The following RAP1GAP variants were observed in gnomAD, a reference collection of about 807,000 sequenced individuals.
RAP1GAP encodes the protein RAP1 GTPase activating protein.
In RAP1GAP, 35 loss-of-function variants were observed where a neutral mutation model predicts 87.2. The observed-to-expected ratio is 0.40, with a 90% confidence interval of 0.31 to 0.53. The LOEUF is 0.53. Ranked by LOEUF, RAP1GAP falls within the 20% of genes least tolerant of loss-of-function variation. RAP1GAP has a pLI of 0.48. For missense variants in RAP1GAP, 734 were observed against 898.9 expected (o/e 0.82, Z 2.35); for synonymous variants, 375 against 363.9 (o/e 1.03, Z -0.35).
chr1:21,620,888 C>T (rs1437341854), intron 3 of RAP1GAP, among the ~76,000 whole-genome samples: 8 of 152,168 alleles, frequency 5.3e-5, no homozygotes, highest in African/African-American at 1.9e-4. Flanking sequence ...TCTCCCTCCC[C>T]TCCTGCTCAC....
chr1:21,622,203 C>T lies in RAP1GAP; in HGVS notation c.-18-2153G>A, dbSNP rs2088496134. 3.1e-6 allele frequency: 1 copy of T among 318,376 alleles called. No homozygotes were observed. The highest frequency in any genetic ancestry group is 6.1e-5 in the South Asian group (1 of 16,510). The allele number at this position is 318,376 out of a possible 1,614,324, so 19.7% of individuals were successfully genotyped here. ...GGTGCGCCCCGTGGCCAGTGTCAGCCCAGAAGCTCACACGCCCACCATGAC... is the reference window on the plus strand; with the variant it reads ...GGTGCGCCCCGTGGCCAGTGTCAGCTCAGAAGCTCACACGCCCACCATGAC... On this transcript the variant is annotated intron_variant, in intron 3 of 24. Transcript: ENST00000374765. The surrounding 1 kb of genome is among the most constrained non-coding windows in gnomAD (Gnocchi z 5.7).
At chr1:21,608,097 G>C in intron 17 of RAP1GAP, 116 bp downstream of exon 17, 5 of 1,377,492 alleles carry the variant, frequency 3.6e-6, no homozygotes, top group East Asian at 2.5e-5. Flanking sequence ...CCTCAGCCAC[G>C]CCCCTTCTGC....
intron 2 of RAP1GAP, among the ~76,000 whole-genome samples, chr1:21,627,680 G>C (rs1254383728): frequency 6.6e-6 from 1 of 151,956 alleles, no homozygotes. Flanking sequence ...CTCCCAAAGT[G>C]CTGAGATTAT....
At chr1:21,611,939 C>T (rs564469423) in intron 11 of RAP1GAP, 87 bp downstream of exon 11, 2 of 1,486,508 alleles carry the variant, frequency 1.3e-6, no homozygotes, top group East Asian at 2.3e-5. Flanking sequence ...TCCTGAGTCC[C>T]TTGGCCGGTG....
chr1:21,619,434 G>C (rs533574960), intron 4 of RAP1GAP, among the ~76,000 whole-genome samples: 21 of 149,492 alleles, frequency 1.4e-4, no homozygotes, highest in African/African-American at 5.1e-4. Flanking sequence ...GCAGAGACGA[G>C]ACAGAAAGAC....
intron 18 of RAP1GAP, chr1:21,604,059 G>C (rs1209837957): frequency 1.5e-6 from 1 of 660,562 alleles, no homozygotes; most frequent in Non-Finnish European, 2.6e-6. Flanking sequence ...CGGTGCAGGA[G>C]GCAATGGGAG....
At chr1:21,611,401 G>A in intron 13 of RAP1GAP, 51 bp downstream of exon 13, 2 of 1,575,228 alleles carry the variant, frequency 1.3e-6, no homozygotes, top group South Asian at 1.1e-5. Context: ...CAGACAGGTG[G>A]AGGGGGAGGA....
At chr1:21,610,355 G>A in intron 13 of RAP1GAP, 80 bp from the exon 14 acceptor site, 3 of 1,484,466 alleles carry the variant, frequency 2.0e-6, no homozygotes, top group South Asian at 1.2e-5. Flanking sequence ...GGGTTTAGGA[G>A]GGTTTGGGGT....
Position 21,643,433 on chromosome 1 carries a change from C to T in RAP1GAP, c.-113+6328G>A, listed in dbSNP as rs191272048. Reference sequence around the variant, plus strand: ...ATTAGCTGGGCATGGTGGCACACGCCTGTAATCCCAGCTACTCAGGAGGCT... The same window carrying T: ...ATTAGCTGGGCATGGTGGCACACGCTTGTAATCCCAGCTACTCAGGAGGCT... On this transcript the variant is annotated intron_variant, in intron 2 of 24. Transcript: ENST00000374765. Among the ~76,000 whole-genome samples the T allele has an allele frequency of 6.2e-3, 949 of 152,048 alleles. 9 individuals carry two copies. Among genetic ancestry groups the T allele is most frequent in the Non-Finnish European group, 9.7e-3 (658 of 67,980 alleles).
At position 21,617,377 on chromosome 1, in the gene RAP1GAP, A is replaced by G. The variant is rs765396557; in HGVS notation, c.220T>C (p.Ser74Pro). ...TCGAGCTTCACCTTGGTTGTGGGCG[A>G]CTGCAGTGGCTCTGTCTCGGGGATG... ...TSIPETEPLQ[S>P]PTTKVKLECN... Residue 74 changes from serine (S) to proline (P), a missense_variant, in exon 7 of 25, where the codon TCG becomes CCG. Transcript: ENST00000374765. 1.2e-6 allele frequency: 2 copies of G among 1,601,520 alleles called. No homozygotes were observed. The highest frequency in any genetic ancestry group is 2.3e-5 in the South Asian group (2 of 88,668).
At chr1:21,607,029 C>G (rs1460323141) in intron 17 of RAP1GAP, among the ~76,000 whole-genome samples, 1 of 152,252 alleles carries the variant, frequency 6.6e-6, no homozygotes, top group African/African-American at 2.4e-5. Context: ...AGTTCCTGGG[C>G]AGGCCTGGGC....
intron 2 of RAP1GAP, among the ~76,000 whole-genome samples, chr1:21,631,669 A>G (rs1454471451): frequency 1.3e-5 from 2 of 152,214 alleles, no homozygotes; most frequent in East Asian, 3.9e-4. Context: ...CTGGGCAACA[A>G]GAGCAAAACT....
At chr1:21,602,472 C>T (rs938450382) in intron 19 of RAP1GAP, among the ~76,000 whole-genome samples, 1 of 152,250 alleles carries the variant, frequency 6.6e-6, no homozygotes, top group African/African-American at 2.4e-5. Context: ...GCACTAGGCC[C>T]TCCCACATGC....
At chr1:21,633,652 GGAA>G (rs768242108) in intron 2 of RAP1GAP, among the ~76,000 whole-genome samples, 8 of 152,120 alleles carry the variant, frequency 5.3e-5, no homozygotes, top group Non-Finnish European at 8.8e-5. Context: ...GGAGTGGTCT[GGAA>G]GGGCGGGGGA....
chr1:21,640,398 T>A (rs529031752), intron 2 of RAP1GAP, among the ~76,000 whole-genome samples: 5 of 152,128 alleles, frequency 3.3e-5, no homozygotes, highest in Non-Finnish European at 4.4e-5. Context: ...CTGCTAGAAA[T>A]GGGGTTTCTT....
chr1:21,616,065 T>G (rs1043868881), intron 7 of RAP1GAP, among the ~76,000 whole-genome samples: 1 of 151,374 alleles, frequency 6.6e-6, no homozygotes, highest in Non-Finnish European at 1.5e-5. Context: ...TCTCCCAGAG[T>G]TAGGCCAATG....
chr1:21,637,054 G>C (rs930353707), intron 2 of RAP1GAP, among the ~76,000 whole-genome samples: 85 of 152,088 alleles, frequency 5.6e-4, no homozygotes, highest in African/African-American at 2.0e-3. Context: ...GGTGCAGCCA[G>C]GGAGATCTGA....
intron 23 of RAP1GAP, 91 bp from the exon 24 acceptor site, chr1:21,597,819 C>CA: frequency 6.4e-7 from 1 of 1,551,432 alleles, no homozygotes; most frequent in Non-Finnish European, 8.8e-7. Flanking sequence ...TGGCTGTGTC[C>CA]AGGCCGGGCA....
At chr1:21,648,558 A>G (rs1453854844) in intron 2 of RAP1GAP, among the ~76,000 whole-genome samples, 1 of 36,940 alleles carries the variant, frequency 2.7e-5, no homozygotes, top group Non-Finnish European at 7.2e-5. Context: ...TACATGAGAT[A>G]ACACGTCAGG....
Sources: allele counts gnomAD v4.1 joint callset (sites outside exome capture counted in the v4.1 genomes callset), GRCh38; gene constraint gnomAD v4.1.1; non-coding constraint Gnocchi (gnomAD v3.1); transcripts MANE v1.5; gene names NCBI Gene and HGNC (gene_info 2026-07-23, HGNC 2026-07-21).